GRIP1: variants seen among roughly 807,000 people sequenced by gnomAD.
GRIP1 encodes glutamate receptor interacting protein 1, also known as glutamate receptor-interacting protein 1.
A neutral mutation model predicts 129.9 loss-of-function variants in GRIP1; 45 were observed. The observed-to-expected ratio is 0.35, with a 90% CI of 0.27 to 0.44. The LOEUF (loss-of-function observed/expected upper bound fraction) is 0.44, where lower values mean the gene tolerates loss of function less well. GRIP1 is among the 20% of genes least tolerant of loss of function. GRIP1 has a pLI of 1.00. For synonymous variants in GRIP1, 530 were observed against 520.8 expected, an observed-to-expected ratio of 1.02 and a Z score of -0.24; for missense variants, 1,196 against 1,396.8, an observed-to-expected ratio of 0.86 and a Z score of 2.29.
At chr12:66,822,940 C>A (rs2039346451) in intron 1 of GRIP1, among the ~76,000 whole-genome samples, 1 of 152,020 alleles carries the variant, frequency 6.6e-6, no homozygotes, top group South Asian at 2.1e-4. Context: ...ATGATATGCC[C>A]ACGTAACAAG....
chr12:66,405,485 C>A (rs73315128), intron 16 of GRIP1, among the ~76,000 whole-genome samples: 9,010 of 152,264 alleles, frequency 0.059, 709 homozygotes, highest in African/African-American at 0.18. Flanking sequence ...TGCACCACAG[C>A]TGTGGCAGCA....
intron 7 of GRIP1, among the ~76,000 whole-genome samples, chr12:66,505,795 C>CAAA (rs1242500015): frequency 1.3e-5 from 2 of 151,930 alleles, no homozygotes; most frequent in Non-Finnish European, 2.9e-5. Context: ...GAGTTTGTAA[C>CAAA]ACATAACTGA....
intron 2 of GRIP1, among the ~76,000 whole-genome samples, chr12:66,571,780 G>T (rs544515199): frequency 7.4e-4 from 112 of 152,232 alleles, no homozygotes; most frequent in African/African-American, 2.3e-3. Context: ...GATGCTTCAT[G>T]GTTATTGTAT....
chr12:66,674,777 C>A (rs1017504880), intron 1 of GRIP1, among the ~76,000 whole-genome samples: 1 of 152,100 alleles, frequency 6.6e-6, no homozygotes, highest in Non-Finnish European at 1.5e-5. Flanking sequence ...TGATCACAAC[C>A]CAGCCTTTTA....
At chr12:66,476,700 C>A (rs2059625388) in intron 7 of GRIP1, among the ~76,000 whole-genome samples, 1 of 152,156 alleles carries the variant, frequency 6.6e-6, no homozygotes, top group African/African-American at 2.4e-5. Flanking sequence ...GGCTTCATCC[C>A]TGGGATGCAA....
chr12:66,710,230 T>C (rs1215183605), intron 1 of GRIP1, among the ~76,000 whole-genome samples: 1 of 151,956 alleles, frequency 6.6e-6, no homozygotes, highest in Non-Finnish European at 1.5e-5. Context: ...GAATTACATC[T>C]TGAAAGAAGA....
At chr12:66,525,903 C>A (rs1219177387) in intron 5 of GRIP1, among the ~76,000 whole-genome samples, 2 of 151,666 alleles carry the variant, frequency 1.3e-5, no homozygotes, top group South Asian at 4.2e-4. Flanking sequence ...AAACAGAGAG[C>A]CAAATCATGA....
At chr12:66,418,458 A>ATTTT (rs2137808135) in intron 15 of GRIP1, among the ~76,000 whole-genome samples, 1 of 152,282 alleles carries the variant, frequency 6.6e-6, no homozygotes, top group African/African-American at 2.4e-5. Flanking sequence ...CAAGTGAAAA[A>ATTTT]TCTTTTTCAT....
At chr12:66,932,164 G>T (rs2041407135) in intron 1 of GRIP1, among the ~76,000 whole-genome samples, 1 of 151,884 alleles carries the variant, frequency 6.6e-6, no homozygotes, top group African/African-American at 2.4e-5. Context: ...AAAGGCTCCT[G>T]GCCACAAATT....
In GRIP1 at chr12:66,455,476, G is replaced by A. The variant is rs767900832; in HGVS notation, c.1287C>T (p.Leu429=). 2 of 1,613,858 alleles carry A rather than the reference G, an allele frequency of 1.2e-6. No homozygotes were observed. Among genetic ancestry groups the A allele is most frequent in the Non-Finnish European group, 1.7e-6 (2 of 1,179,712 alleles). The stretch of plus-strand genomic sequence containing the variant: ...TGGTTCCACGTGGGCTGGTGGAGTA[G>A]AGGCTTCGAGGTAGAGTCCCCATGT... ...SLNMGTLPRS[L]YSTSPRGTMM... Residue 429 remains leucine, a synonymous_variant, in exon 11 of 25, where the codon CTC becomes CTT. Coordinates refer to ENST00000359742, the MANE Select transcript of GRIP1 (RefSeq NM_001366722.1).
chr12:66,445,302 T>C lies in GRIP1; in HGVS notation c.1541+20A>G, dbSNP rs115666326. Reference sequence around the variant, plus strand: ...AGAAACGCAGAGCAGAAAATGATGCTGTGAAAGAAAGTGTCTCACCTCTCT... The same window carrying C: ...AGAAACGCAGAGCAGAAAATGATGCCGTGAAAGAAAGTGTCTCACCTCTCT... On this transcript the variant is annotated intron_variant, in intron 12 of 24. Coordinates refer to ENST00000359742, the MANE Select transcript of GRIP1 (RefSeq NM_001366722.1). 869 of 1,603,200 alleles carry C rather than the reference T, an allele frequency of 5.4e-4. 4 individuals carry two copies. In the African/African-American group the frequency reaches 0.01, roughly 19 times the overall value.
chr12:66,582,648 CAT>C (rs2063441160), intron 2 of GRIP1, among the ~76,000 whole-genome samples: 1 of 138,920 alleles, frequency 7.2e-6, no homozygotes, highest in Non-Finnish European at 1.6e-5. Flanking sequence ...AGTGAACTCC[CAT>C]TCACAATTGC....
chr12:66,939,187 G>A (rs2041542825), intron 1 of GRIP1, among the ~76,000 whole-genome samples: 1 of 152,044 alleles, frequency 6.6e-6, no homozygotes, highest in Non-Finnish European at 1.5e-5. Context: ...AAGTTGTCAG[G>A]TGTGATACAG....
intron 1 of GRIP1, among the ~76,000 whole-genome samples, chr12:66,921,529 T>C (rs896770540): frequency 1.3e-5 from 2 of 152,226 alleles, no homozygotes; most frequent in African/African-American, 4.8e-5. Flanking sequence ...GGATTTCTCC[T>C]AGTACTGCAG....
chr12:66,610,225 C>A (rs971543867), intron 1 of GRIP1, among the ~76,000 whole-genome samples: 1 of 151,894 alleles, frequency 6.6e-6, no homozygotes, highest in African/African-American at 2.4e-5. Flanking sequence ...TATACACACA[C>A]GCATATATAT....
intron 11 of GRIP1, among the ~76,000 whole-genome samples, chr12:66,448,103 T>TTA (rs1246971516): frequency 6.6e-6 from 1 of 152,122 alleles, no homozygotes; most frequent in Non-Finnish European, 1.5e-5. Flanking sequence ...CTCTTTCTCT[T>TTA]GTTTTTGTCA....
At chr12:66,804,212 A>T (rs1015253134), upstream of GRIP1, 6 of 443,500 alleles carry the variant, frequency 1.4e-5, no homozygotes, top group Non-Finnish European at 2.7e-5. Flanking sequence ...AGCGCGGCAC[A>T]GCTAGCACAA....
intron 1 of GRIP1, among the ~76,000 whole-genome samples, chr12:66,797,857 T>A (rs1313637843): frequency 6.6e-6 from 1 of 152,154 alleles, no homozygotes; most frequent in Non-Finnish European, 1.5e-5. Context: ...ATGAGCACAG[T>A]GCACTGAGTT....
chr12:66,493,143 C>T (rs1244676578), intron 7 of GRIP1, among the ~76,000 whole-genome samples: 1 of 152,196 alleles, frequency 6.6e-6, no homozygotes, highest in Non-Finnish European at 1.5e-5. Flanking sequence ...TTCTTGCTCA[C>T]AAAACCCCTC....
Sources: allele counts gnomAD v4.1 joint callset (sites outside exome capture counted in the v4.1 genomes callset), GRCh38; gene constraint gnomAD v4.1.1; transcripts MANE v1.5; gene names NCBI Gene and HGNC (gene_info 2026-07-23, HGNC 2026-07-21).